The following SLC25A21 variants were observed in gnomAD, a reference collection of about 807,000 sequenced individuals.
SLC25A21 encodes solute carrier family 25 member 21, also known as mitochondrial 2-oxodicarboxylate carrier.
Under a neutral mutation model 43.8 loss-of-function variants are expected in SLC25A21, and 47 were observed. The observed-to-expected ratio is 1.07, with a 90% CI of 0.85 to 1.37. The LOEUF is 1.37. Ranked by LOEUF, SLC25A21 falls within the 40% of genes most tolerant of loss-of-function variation. The pLI, the probability that SLC25A21 is intolerant of heterozygous loss-of-function variation, is 0.00. For synonymous variants in SLC25A21, 131 were observed against 121.3 expected (o/e 1.08, Z -0.52); for missense variants, 352 against 350.2 (o/e 1.00, Z -0.04).
chr14:36,683,679 T>A, intron 9 of SLC25A21, 149 bp downstream of exon 9: 1 of 512,746 alleles, frequency 2.0e-6, no homozygotes, highest in East Asian at 3.2e-5. Flanking sequence ...GTCTTCAGTA[T>A]CTCAAATACT....
Position 36,678,596 on chromosome 14 carries a change from T to A in SLC25A21, c.*2062A>T. ...GGGACTCTCCTGTCATCTGAAAAAC[T>A]GATGTAAGGTACAGAACTATTCTTT... On this transcript the variant is annotated 3_prime_UTR_variant, in exon 10 of 10. Transcript: ENST00000331299. 6.6e-7 allele frequency: 1 copy of A among 1,507,214 alleles called. No homozygotes were observed. 93.4% of individuals were successfully genotyped at this position (1,507,214 alleles called of 1,614,324 possible).
intron 2 of SLC25A21, among the ~76,000 whole-genome samples, chr14:36,836,885 A>G (rs1034705246): frequency 1.3e-5 from 2 of 152,180 alleles, no homozygotes; most frequent in African/African-American, 4.8e-5. Context: ...AAATCAGATC[A>G]GAGGAAAAAC....
At position 36,889,049 on chromosome 14, in the gene SLC25A21, C is replaced by T. The variant is rs377534897; in HGVS notation, c.71-14045G>A. On this transcript the variant is annotated intron_variant, in intron 1 of 9. Transcript: ENST00000331299. ...TGCTGATGACCTGGAACCATAGCTACACAAATTCTTTTTGAACTGTTATTC... is the reference window on the plus strand; with the variant it reads ...TGCTGATGACCTGGAACCATAGCTATACAAATTCTTTTTGAACTGTTATTC... Among the ~76,000 whole-genome samples, 3 of 152,304 alleles carry T rather than the reference C, an allele frequency of 2.0e-5. No individual in the cohort carries two copies. The East Asian group carries it at 5.8e-4, about 29-fold the overall frequency.
intron 1 of SLC25A21, chr14:37,097,303 G>C (rs1962717492): frequency 1.3e-5 from 2 of 152,016 alleles, no homozygotes; most frequent in African/African-American, 4.8e-5. Context: ...ATTTCGCCAT[G>C]TTACCCAAGC....
chr14:36,766,359 G>A (rs1446833601), intron 3 of SLC25A21, among the ~76,000 whole-genome samples: 3 of 152,170 alleles, frequency 2.0e-5, no homozygotes, highest in Admixed American at 6.5e-5. Flanking sequence ...TTCTTACTGT[G>A]GGCTGTGATC....
At chr14:36,868,559 T>C (rs1246018325) in intron 2 of SLC25A21, among the ~76,000 whole-genome samples, 1 of 152,190 alleles carries the variant, frequency 6.6e-6, no homozygotes, top group Non-Finnish European at 1.5e-5. Context: ...AATCTCGCCA[T>C]AAAATATGTA....
At chr14:36,775,025 T>C (rs1428503927) in intron 3 of SLC25A21, among the ~76,000 whole-genome samples, 1 of 152,224 alleles carries the variant, frequency 6.6e-6, no homozygotes, top group Non-Finnish European at 1.5e-5. Context: ...TTAATCACTT[T>C]TATAGCATAA....
intron 1 of SLC25A21, among the ~76,000 whole-genome samples, chr14:36,900,457 A>T (rs905440069): frequency 6.6e-6 from 1 of 152,140 alleles, no homozygotes; most frequent in African/African-American, 2.4e-5. Flanking sequence ...GGAATATTCA[A>T]ATGACACTTT....
At chr14:37,010,696 T>C (rs930208926) in intron 1 of SLC25A21, among the ~76,000 whole-genome samples, 6 of 152,184 alleles carry the variant, frequency 3.9e-5, no homozygotes, top group Non-Finnish European at 1.5e-5. Flanking sequence ...TTTAAATGTA[T>C]ATTTAACAGT....
In SLC25A21 at chr14:36,783,219, G is replaced by C. The variant is rs116523153; in HGVS notation, c.203+30699C>G. 5.0e-3 allele frequency among the ~76,000 whole-genome samples: 750 copies of C among 150,418 alleles called. 12 individuals carry two copies. The highest frequency in any genetic ancestry group is 0.017 in the African/African-American group (702 of 40,606). ...ACTATCTTGGGGTGGGGGTGGTGGG[G>C]GGGCGGAGGAGGAATTTGTGGGGAG... is the stretch of plus-strand genomic sequence containing the variant. On this transcript the variant is annotated intron_variant, in intron 3 of 9. Coordinates refer to ENST00000331299, the MANE Select transcript of SLC25A21 (RefSeq NM_030631.4).
chr14:36,986,810 CT>C (rs1960157786), intron 1 of SLC25A21, among the ~76,000 whole-genome samples: 1 of 152,100 alleles, frequency 6.6e-6, no homozygotes, highest in African/African-American at 2.4e-5. Flanking sequence ...CGACTTCCCC[CT>C]GGGTCTTGGA....
chr14:37,005,170 C>T (rs1336224138), intron 1 of SLC25A21, among the ~76,000 whole-genome samples: 1 of 150,662 alleles, frequency 6.6e-6, no homozygotes, highest in Non-Finnish European at 1.5e-5. Flanking sequence ...TACATCTGTA[C>T]CACAAGTGCA....
intron 1 of SLC25A21, among the ~76,000 whole-genome samples, chr14:36,931,034 TC>T (rs1892272301): frequency 6.6e-6 from 1 of 152,044 alleles, no homozygotes; most frequent in African/African-American, 2.4e-5. Flanking sequence ...CTGACACCTC[TC>T]CTCTGGGCTC....
chr14:37,113,525 A>C (rs8007222), intron 1 of SLC25A21, among the ~76,000 whole-genome samples: 8,606 of 152,210 alleles, frequency 0.057, 826 homozygotes, highest in African/African-American at 0.2. Flanking sequence ...TTTTTAGAAA[A>C]TACCATATAC....
chr14:36,683,953 T>G, intron 8 of SLC25A21, 73 bp from the exon 9 acceptor site: 2 of 1,128,186 alleles, frequency 1.8e-6, no homozygotes, highest in Non-Finnish European at 2.6e-6. Context: ...TTTATTGAGA[T>G]AGGGACCCAG....
At chr14:36,717,764 A>G (rs1037100905) in intron 6 of SLC25A21, among the ~76,000 whole-genome samples, 8 of 152,248 alleles carry the variant, frequency 5.3e-5, no homozygotes, top group Non-Finnish European at 1.0e-4. Flanking sequence ...GTGGTTGACT[A>G]GAAAGAGACA....
intron 1 of SLC25A21, among the ~76,000 whole-genome samples, chr14:37,132,238 T>C (rs1046915767): frequency 2.0e-4 from 31 of 152,056 alleles, no homozygotes; most frequent in South Asian, 8.3e-4. Flanking sequence ...CTTTCAAACA[T>C]TGTTGTATTG....
intron 1 of SLC25A21, among the ~76,000 whole-genome samples, chr14:37,026,600 A>C (rs1432553269): frequency 6.6e-6 from 1 of 152,198 alleles, no homozygotes; most frequent in Non-Finnish European, 1.5e-5. Flanking sequence ...AAGGAAAACA[A>C]AGTGTCCCAT....
intron 2 of SLC25A21, among the ~76,000 whole-genome samples, chr14:36,847,005 T>C (rs572212584): frequency 7.2e-5 from 11 of 152,382 alleles, no homozygotes; most frequent in African/African-American, 2.4e-4. Flanking sequence ...CGTGGCCTAC[T>C]TGTAGTCTTT....
Sources: allele counts gnomAD v4.1 joint callset (sites outside exome capture counted in the v4.1 genomes callset), GRCh38; gene constraint gnomAD v4.1.1; transcripts MANE v1.5; gene names NCBI Gene and HGNC (gene_info 2026-07-23, HGNC 2026-07-21).